Variants in CCSER1 observed in about 807,000 individuals in gnomAD.
CCSER1 encodes serine-rich coiled-coil domain-containing protein 1.
Under a neutral mutation model 82.0 loss-of-function variants are expected in CCSER1, and 41 were observed. The ratio of observed to expected loss-of-function variants is 0.50; its 90% CI spans 0.39 to 0.65. The LOEUF is 0.65. Ranked by LOEUF, CCSER1 falls within the 30% of genes least tolerant of loss-of-function variation. The probability of loss-of-function intolerance (pLI) is 0.00; values close to 1 mark genes in which losing one functional copy is unlikely to be tolerated. For missense variants in CCSER1, 1,119 were observed against 1,064.2 expected, an observed-to-expected ratio of 1.05 and a Z score of -0.72; for synonymous variants, 414 against 383.9, an observed-to-expected ratio of 1.08 and a Z score of -0.92.
chr4:90,691,249 T>A (rs1735767582), intron 6 of CCSER1, among the ~76,000 whole-genome samples: 2 of 152,040 alleles, frequency 1.3e-5, no homozygotes, highest in African/African-American at 4.8e-5. Flanking sequence ...ACATAAAACC[T>A]CTAAGTTTTA....
intron 10 of CCSER1, among the ~76,000 whole-genome samples, chr4:91,539,616 A>T (rs1761485790): frequency 6.6e-6 from 1 of 152,120 alleles, no homozygotes; most frequent in Non-Finnish European, 1.5e-5. Context: ...GATTTTATGA[A>T]TATGTCAGAC....
chr4:90,360,116 A>G (rs1318119906), intron 3 of CCSER1, among the ~76,000 whole-genome samples: 1 of 147,990 alleles, frequency 6.8e-6, no homozygotes, highest in Non-Finnish European at 1.5e-5. Context: ...ACAGGTTTTC[A>G]CTATGTTGGC....
In CCSER1 at chr4:90,717,787, A is replaced by G. The variant is rs555205510; in HGVS notation, c.1933-6127A>G. Among the ~76,000 whole-genome samples the G allele has an allele frequency of 5.7e-4, 86 of 149,644 alleles. 1 individual carries two copies. In the South Asian group the frequency reaches 6.1e-3, roughly 11 times the overall value. On this transcript the variant is annotated intron_variant, in intron 6 of 10. Coordinates refer to ENST00000509176, the MANE Select transcript of CCSER1 (RefSeq NM_001145065.2). ...ATATATAGTGTATATATATGTGTGT[A>G]TATATATATATGTGTATATATATGA...
chr4:91,355,124 T>C (rs775964257), intron 10 of CCSER1, among the ~76,000 whole-genome samples: 21 of 152,196 alleles, frequency 1.4e-4, no homozygotes, highest in Non-Finnish European at 2.9e-4. Context: ...CTTTTTTTAA[T>C]CCTCTTTTCA....
intron 9 of CCSER1, among the ~76,000 whole-genome samples, chr4:90,962,833 T>A (rs888786705): frequency 6.6e-6 from 1 of 152,174 alleles, no homozygotes; most frequent in Non-Finnish European, 1.5e-5. Context: ...CATACAGGGC[T>A]ATTTTAATAT....
intron 10 of CCSER1, among the ~76,000 whole-genome samples, chr4:91,572,626 A>T (rs1376512151): frequency 6.6e-6 from 1 of 151,954 alleles, no homozygotes; most frequent in Non-Finnish European, 1.5e-5. Context: ...CCCAGTTGGG[A>T]GGTCCCACAC....
At chr4:91,157,447 T>C (rs1388650411) in intron 10 of CCSER1, among the ~76,000 whole-genome samples, 1 of 151,970 alleles carries the variant, frequency 6.6e-6, no homozygotes, top group African/African-American at 2.4e-5. Context: ...GTCACAATTT[T>C]TCCAATAGTA....
chr4:90,372,042 A>G (rs1460240079), intron 3 of CCSER1, among the ~76,000 whole-genome samples: 1 of 152,220 alleles, frequency 6.6e-6, no homozygotes, highest in Non-Finnish European at 1.5e-5. Context: ...CGACTTGTTC[A>G]ACTACTGATC....
chr4:90,710,725 T>C (rs1003929631), intron 6 of CCSER1, among the ~76,000 whole-genome samples: 1 of 152,176 alleles, frequency 6.6e-6, no homozygotes, highest in Non-Finnish European at 1.5e-5. Flanking sequence ...CTGATTTGAT[T>C]ACTTAAGCCT....
intron 9 of CCSER1, among the ~76,000 whole-genome samples, chr4:91,053,701 G>T (rs140888215): frequency 1.3e-5 from 2 of 152,156 alleles, no homozygotes; most frequent in African/African-American, 4.8e-5. Context: ...GAAACATCCC[G>T]AACTATTCTA....
At chr4:90,921,361 A>G (rs1728357690) in intron 8 of CCSER1, among the ~76,000 whole-genome samples, 1 of 152,032 alleles carries the variant, frequency 6.6e-6, no homozygotes, top group Non-Finnish European at 1.5e-5. Flanking sequence ...ACATCTGAAT[A>G]TGGCACACGT....
chr4:91,000,573 T>C (rs1737945830), intron 9 of CCSER1, among the ~76,000 whole-genome samples: 1 of 152,324 alleles, frequency 6.6e-6, no homozygotes, highest in East Asian at 1.9e-4. Context: ...TGTTTTTCCA[T>C]TTGCCTGTGT....
At chr4:91,257,418 G>C (rs1386250558) in intron 10 of CCSER1, among the ~76,000 whole-genome samples, 1 of 151,318 alleles carries the variant, frequency 6.6e-6, no homozygotes, top group Admixed American at 6.6e-5. Context: ...TTCATGGTTT[G>C]ACTTGCGTAC....
chr4:91,409,000 G>C (rs1285754166), intron 10 of CCSER1, among the ~76,000 whole-genome samples: 1 of 152,118 alleles, frequency 6.6e-6, no homozygotes, highest in African/African-American at 2.4e-5. Flanking sequence ...CTTATTTGCT[G>C]TGGGGGAAAA....
intron 10 of CCSER1, among the ~76,000 whole-genome samples, chr4:91,385,103 G>C (rs557425495): frequency 8.7e-4 from 133 of 152,004 alleles, no homozygotes; most frequent in African/African-American, 3.1e-3. Context: ...GAAGATACAG[G>C]CCCAATAGTA....
intron 1 of CCSER1, among the ~76,000 whole-genome samples, chr4:90,178,612 A>G (rs1342592484): frequency 3.9e-5 from 6 of 152,144 alleles, no homozygotes; most frequent in Middle Eastern, 3.2e-3. Context: ...CTTATAAGGA[A>G]TAATTCATTA....
At chr4:90,354,755 A>T (rs754856804) in intron 3 of CCSER1, among the ~76,000 whole-genome samples, 2 of 152,082 alleles carry the variant, frequency 1.3e-5, no homozygotes, top group Non-Finnish European at 2.9e-5. Flanking sequence ...ACCAACTAGC[A>T]TGTGGCCTTA....
intron 1 of CCSER1, among the ~76,000 whole-genome samples, chr4:90,233,187 G>A (rs1222909746): frequency 2.6e-5 from 4 of 151,944 alleles, no homozygotes; most frequent in African/African-American, 7.3e-5. Flanking sequence ...TGTTTATTGC[G>A]GCATTATTCA....
At chr4:90,502,133 G>C (rs559359511) in intron 5 of CCSER1, among the ~76,000 whole-genome samples, 1 of 152,192 alleles carries the variant, frequency 6.6e-6, no homozygotes, top group Non-Finnish European at 1.5e-5. Flanking sequence ...CTGCTATCAA[G>C]AACTACCTGA....
Sources: gnomAD v4.1 joint callset for allele counts (sites outside exome capture counted in the v4.1 genomes callset) on GRCh38, gnomAD v4.1.1 for gene constraint, MANE v1.5 for transcripts, NCBI Gene and HGNC (gene_info 2026-07-23, HGNC 2026-07-21) for gene names.